The following TTBK2 variants were observed in gnomAD, a reference collection of about 807,000 sequenced individuals.
The protein encoded by TTBK2 is tau-tubulin kinase 2.
Under a neutral mutation model 110.8 loss-of-function variants are expected in TTBK2, and 28 were observed. That is an observed-to-expected ratio of 0.25 (90% CI 0.19 to 0.35). TTBK2 has a LOEUF of 0.35. Ranked by LOEUF, TTBK2 falls within the 10% of genes least tolerant of loss-of-function variation. The probability of loss-of-function intolerance (pLI) is 1.00; values close to 1 mark genes in which losing one functional copy is unlikely to be tolerated. For synonymous variants in TTBK2, 532 were observed against 527.3 expected (o/e 1.01, Z -0.12); for missense variants, 1,369 against 1,500.3 (o/e 0.91, Z 1.45).
chr15:42,796,584 A>G (rs1418293658), intron 9 of TTBK2, among the ~76,000 whole-genome samples: 1 of 152,242 alleles, frequency 6.6e-6, no homozygotes, highest in East Asian at 1.9e-4. Context: ...GAAAACCACG[A>G]GTCTGGTATT....
intron 1 of TTBK2, among the ~76,000 whole-genome samples, chr15:42,912,531 A>T (rs1419319447): frequency 6.6e-6 from 1 of 152,054 alleles, no homozygotes; most frequent in Admixed American, 6.6e-5. Context: ...CAACATGATG[A>T]AACCCCATCT....
chr15:42,914,375 A>G (rs934750251), intron 1 of TTBK2, among the ~76,000 whole-genome samples: 10 of 152,160 alleles, frequency 6.6e-5, no homozygotes, highest in African/African-American at 2.4e-4. Flanking sequence ...TTAATGAATC[A>G]CCGATAAGCT....
chr15:42,833,247 T>TAAAAAAAAAAAAAAAAAAAAAAAAAAAA (rs35997543), intron 4 of TTBK2, among the ~76,000 whole-genome samples: 1 of 74,872 alleles, frequency 1.3e-5, no homozygotes, highest in Non-Finnish European at 2.7e-5. Context: ...CCAAATTTTG[T>TAAAAAAAAAAAAAAAAAAAAAAAAAAAA]AAAAAAAAAA....
intron 14 of TTBK2, 45 bp downstream of exon 14, chr15:42,751,929 G>C: frequency 1.2e-6 from 2 of 1,605,196 alleles, no homozygotes; most frequent in Non-Finnish European, 1.7e-6. Context: ...AGCAGATATA[G>C]AAATGGTGTT....
intron 9 of TTBK2, among the ~76,000 whole-genome samples, chr15:42,807,868 T>G (rs1891541493): frequency 6.6e-6 from 1 of 152,210 alleles, no homozygotes; most frequent in African/African-American, 2.4e-5. Flanking sequence ...AAACATTATT[T>G]ATGCACTTAT....
intron 4 of TTBK2, among the ~76,000 whole-genome samples, chr15:42,839,635 G>A (rs1353790191): frequency 6.6e-6 from 1 of 152,100 alleles, no homozygotes; most frequent in African/African-American, 2.4e-5. Flanking sequence ...TTTAATAATA[G>A]TCATTCTGAC....
intron 1 of TTBK2, among the ~76,000 whole-genome samples, chr15:42,907,339 A>G (rs1376616869): frequency 6.6e-6 from 1 of 152,194 alleles, no homozygotes; most frequent in Non-Finnish European, 1.5e-5. Context: ...TATATATCCA[A>G]AAGAAAGGAA....
At chr15:42,899,735 A>C (rs1386926625) in intron 1 of TTBK2, among the ~76,000 whole-genome samples, 5 of 150,866 alleles carry the variant, frequency 3.3e-5, no homozygotes, top group Non-Finnish European at 7.4e-5. Flanking sequence ...AAGACTCCAT[A>C]CAAAAAAAGA....
intron 4 of TTBK2, among the ~76,000 whole-genome samples, chr15:42,833,504 A>T (rs1892859321): frequency 6.6e-6 from 1 of 152,094 alleles, no homozygotes; most frequent in Non-Finnish European, 1.5e-5. Flanking sequence ...CCCCATCCAT[A>T]TCCTCTCCCC....
At chr15:42,875,544 G>C (rs776503987) in intron 2 of TTBK2, among the ~76,000 whole-genome samples, 1 of 151,964 alleles carries the variant, frequency 6.6e-6, no homozygotes, top group Non-Finnish European at 1.5e-5. Flanking sequence ...TGCCAGCTCT[G>C]AGGATTGCCC....
chr15:42,787,422 G>A (rs772861683), intron 10 of TTBK2, among the ~76,000 whole-genome samples: 3 of 152,016 alleles, frequency 2.0e-5, no homozygotes, highest in African/African-American at 7.2e-5. Context: ...TTTGCAAACA[G>A]AAAAAAATCA....
intron 3 of TTBK2, among the ~76,000 whole-genome samples, chr15:42,861,097 C>A (rs986468245): frequency 6.6e-6 from 1 of 152,130 alleles, no homozygotes; most frequent in African/African-American, 2.4e-5. Flanking sequence ...TTGAAGCATC[C>A]AAATTCATAA....
At chr15:42,822,130 TTTTA>T (rs1192825997) in intron 6 of TTBK2, among the ~76,000 whole-genome samples, 1 of 152,240 alleles carries the variant, frequency 6.6e-6, no homozygotes, top group Non-Finnish European at 1.5e-5. Flanking sequence ...GTTGTTTTCT[TTTTA>T]TTGAGTTGTA....
At chr15:42,753,362 C>T in intron 13 of TTBK2, 115 bp from the exon 14 acceptor site, 4 of 1,061,582 alleles carry the variant, frequency 3.8e-6, no homozygotes, top group Non-Finnish European at 5.4e-6. Flanking sequence ...AGATGTTGAC[C>T]AGGTCTGCCC....
At chr15:42,861,856 A>T (rs1395285651) in intron 3 of TTBK2, among the ~76,000 whole-genome samples, 1 of 152,120 alleles carries the variant, frequency 6.6e-6, no homozygotes, top group Non-Finnish European at 1.5e-5. Context: ...ACATTACCAA[A>T]GGGGGAAAAA....
rs1437456082 is a variant in TTBK2 at position 42,797,325 on chromosome 15, T to C, written c.823-2524A>G. ...TATTTTCTTACATCTGTCACAGTATTGTATGTCTTAGAAAATGTATTCTAT... is the reference window on the plus strand; with the variant it reads ...TATTTTCTTACATCTGTCACAGTATCGTATGTCTTAGAAAATGTATTCTAT... On this transcript the variant is annotated intron_variant, in intron 9 of 14. Coordinates refer to ENST00000267890, the MANE Select transcript of TTBK2 (RefSeq NM_173500.4). 2.0e-5 allele frequency among the ~76,000 whole-genome samples: 3 copies of C among 152,378 alleles called. 1 individual carries two copies. Among genetic ancestry groups the C allele is most frequent in the Admixed American group, 1.3e-4 (2 of 15,312 alleles).
At chr15:42,918,511 A>T (rs1009106835) in intron 1 of TTBK2, among the ~76,000 whole-genome samples, 4 of 152,188 alleles carry the variant, frequency 2.6e-5, no homozygotes, top group Admixed American at 2.6e-4. Context: ...TAAAGCATAT[A>T]AAAAAGTGGC....
rs139248552 is a variant in TTBK2 at position 42,756,095 on chromosome 15, G to T, written c.1999-2848C>A. On this transcript the variant is annotated intron_variant, in intron 13 of 14. Coordinates refer to ENST00000267890, the MANE Select transcript of TTBK2 (RefSeq NM_173500.4). The stretch of plus-strand genomic sequence containing the variant: ...GCCTGTAATCCCAGCTTCTCGGGAA[G>T]CTGAGGTGGGAAAATTGCTTGAACC... 5.7e-4 allele frequency among the ~76,000 whole-genome samples: 86 copies of T among 152,180 alleles called. 1 individual carries two copies. In the East Asian group the frequency reaches 0.016, roughly 29 times the overall value.
chr15:42,912,909 A>T (rs1423500632), intron 1 of TTBK2, among the ~76,000 whole-genome samples: 6 of 149,530 alleles, frequency 4.0e-5, no homozygotes, highest in African/African-American at 7.4e-5. Context: ...GTGGATCATG[A>T]GGTCAGGAGA....
Sources: gnomAD v4.1 joint callset for allele counts (sites outside exome capture counted in the v4.1 genomes callset) on GRCh38, gnomAD v4.1.1 for gene constraint, MANE v1.5 for transcripts, NCBI Gene and HGNC (gene_info 2026-07-23, HGNC 2026-07-21) for gene names.